HIVEP2: variants seen among roughly 807,000 people sequenced by gnomAD.
HIVEP2 encodes HIVEP zinc finger 2, also known as transcription factor HIVEP2.
A neutral mutation model predicts 180.7 loss-of-function variants in HIVEP2; 14 were observed. That is an observed-to-expected ratio of 0.08 (90% confidence interval 0.05 to 0.12). The LOEUF is 0.12. Among genes scored for constraint, HIVEP2 ranks in the 10% least tolerant of loss-of-function variants. The probability of loss-of-function intolerance (pLI) is 1.00; values close to 1 mark genes in which losing one functional copy is unlikely to be tolerated. For missense variants in HIVEP2, 2,579 were observed against 3,008.5 expected (o/e 0.86, Z 3.34); for synonymous variants, 1,184 against 1,136.4 (o/e 1.04, Z -0.84).
Position 142,890,010 on chromosome 6 carries a change from C to A in HIVEP2, c.-640-52963G>T, listed in dbSNP as rs541977513. Reference sequence around the variant, plus strand: ...AATTAGCCCTGACATCAATGGAGCACCCTTTAAGTGTCTATCATTTCCCCT... The same window carrying A: ...AATTAGCCCTGACATCAATGGAGCAACCTTTAAGTGTCTATCATTTCCCCT... On this transcript the variant is annotated intron_variant, in intron 1 of 9. Coordinates refer to ENST00000367603, the MANE Select transcript of HIVEP2 (RefSeq NM_006734.4). Among the ~76,000 whole-genome samples, 215 of 152,238 alleles carry A rather than the reference C, an allele frequency of 1.4e-3. 1 individual carries two copies. Among genetic ancestry groups the A allele is most frequent in the Non-Finnish European group, 2.8e-3 (191 of 68,008 alleles).
Position 142,751,703 on chromosome 6 carries a change from T to G in HIVEP2, c.*1404A>C, listed in dbSNP as rs1774924875. The G allele has an allele frequency of 6.6e-6, 1 of 152,656 alleles. No homozygotes were observed. The allele number at this position is 152,656 out of a possible 1,614,324, so 9.5% of individuals were successfully genotyped here. Reference sequence around the variant, plus strand: ...CACCTTCAACACTAACCAAAAGCCATTGTGAGTATTACATACAACAGACAT... The same window carrying G: ...CACCTTCAACACTAACCAAAAGCCAGTGTGAGTATTACATACAACAGACAT... On this transcript the variant is annotated 3_prime_UTR_variant, in exon 10 of 10. Transcript: ENST00000367603.
At chr6:142,850,095 C>G (rs925179633) in intron 1 of HIVEP2, among the ~76,000 whole-genome samples, 2 of 152,114 alleles carry the variant, frequency 1.3e-5, no homozygotes, top group African/African-American at 4.8e-5. Context: ...GTGGTCGAAA[C>G]TGTGAAGCAG....
At chr6:142,852,691 T>C (rs12203708) in intron 1 of HIVEP2, among the ~76,000 whole-genome samples, 26,948 of 152,124 alleles carry the variant, frequency 0.18, 2,582 homozygotes, top group South Asian at 0.22. Flanking sequence ...GTTTTAGAGA[T>C]TTCTCCAAAG....
At chr6:142,757,041 T>A (rs946206651) in intron 9 of HIVEP2, among the ~76,000 whole-genome samples, 5 of 152,210 alleles carry the variant, frequency 3.3e-5, no homozygotes, top group African/African-American at 9.6e-5. Flanking sequence ...CATACATATA[T>A]ATGCACATAC....
At chr6:142,902,539 C>T (rs957683294) in intron 1 of HIVEP2, among the ~76,000 whole-genome samples, 2 of 152,146 alleles carry the variant, frequency 1.3e-5, no homozygotes, top group Non-Finnish European at 2.9e-5. Context: ...AATAGAATAG[C>T]CTTTTTAAGA....
At chr6:142,880,575 G>A (rs1776555551) in intron 1 of HIVEP2, among the ~76,000 whole-genome samples, 1 of 152,116 alleles carries the variant, frequency 6.6e-6, no homozygotes, top group Non-Finnish European at 1.5e-5. Context: ...AAGGCATTCG[G>A]TGTCCTCTCT....
intron 2 of HIVEP2, among the ~76,000 whole-genome samples, chr6:142,794,970 T>C (rs1454597365): frequency 6.6e-6 from 1 of 152,188 alleles, no homozygotes; most frequent in Non-Finnish European, 1.5e-5. Context: ...GTCATTTTGA[T>C]TAACCAATTA....
At chr6:142,878,526 G>A (rs1300242620) in intron 1 of HIVEP2, among the ~76,000 whole-genome samples, 1 of 152,126 alleles carries the variant, frequency 6.6e-6, no homozygotes, top group South Asian at 2.1e-4. Context: ...GGATGGTGCC[G>A]GCAGTGGTCA....
rs907851011 is a variant in HIVEP2, at chr6:142,862,600, C to T, written c.-640-25553G>A. The stretch of plus-strand genomic sequence containing the variant: ...TCATATATTTTATAATACATATAAT[C>T]GATTCATAATCGATTATATGTATTA... On this transcript the variant is annotated intron_variant, in intron 1 of 9. Transcript: ENST00000367603. 2.5e-4 allele frequency among the ~76,000 whole-genome samples: 36 copies of T among 143,156 alleles called. 1 individual carries two copies. Among genetic ancestry groups the T allele is most frequent in the African/African-American group, 2.5e-5 (1 of 39,338 alleles). The allele number at this position is 143,156 out of a possible 152,430, so 93.9% of individuals were successfully genotyped here. A position where few individuals can be genotyped will look rare whatever the true frequency, so the allele number is the denominator to read the frequency against.
intron 1 of HIVEP2, among the ~76,000 whole-genome samples, chr6:142,923,364 G>C (rs1304396714): frequency 6.6e-6 from 1 of 151,880 alleles, no homozygotes; most frequent in African/African-American, 2.4e-5. Flanking sequence ...ATATTTAATA[G>C]TGAACAATAA....
rs553378643 is a variant in HIVEP2 at position 142,787,952 on chromosome 6, G to A, written c.-527-4337C>T. On this transcript the variant is annotated intron_variant, in intron 2 of 9. Coordinates refer to ENST00000367603, the MANE Select transcript of HIVEP2 (RefSeq NM_006734.4). ...CAGAGTTTTCATAATAGGAGGCTGG[G>A]GCAAACTGAGTCCAAATTAGCCAGA... Among the ~76,000 whole-genome samples the A allele has an allele frequency of 2.0e-5, 3 of 152,258 alleles. No individual in the cohort carries two copies. The South Asian group carries it at 6.2e-4, about 32-fold the overall frequency.
chr6:142,809,405 G>C (rs1383343783), intron 2 of HIVEP2, among the ~76,000 whole-genome samples: 1 of 152,118 alleles, frequency 6.6e-6, no homozygotes, highest in African/African-American at 2.4e-5. Flanking sequence ...GATACAGGCT[G>C]AGTGTGCTCC....
intron 1 of HIVEP2, among the ~76,000 whole-genome samples, chr6:142,919,694 T>C (rs570759205): frequency 9.1e-4 from 139 of 152,346 alleles, no homozygotes; most frequent in Middle Eastern, 3.4e-3. Context: ...GGAAATAAGA[T>C]GTAATATACA....
chr6:142,916,803 T>C (rs950504811), intron 1 of HIVEP2, among the ~76,000 whole-genome samples: 6 of 152,198 alleles, frequency 3.9e-5, no homozygotes, highest in African/African-American at 1.4e-4. Context: ...AGCTCTCAGA[T>C]CAGCATCCAG....
chr6:142,883,551 C>T (rs1479639468), intron 1 of HIVEP2, among the ~76,000 whole-genome samples: 1 of 152,070 alleles, frequency 6.6e-6, no homozygotes, highest in African/African-American at 2.4e-5. Context: ...CATAAAAGTG[C>T]AAATACATTT....
chr6:142,769,826 A>G lies in HIVEP2; in HGVS notation c.4913T>C (p.Phe1638Ser), dbSNP rs1775474811. The G allele has an allele frequency of 6.2e-7, 1 of 1,614,182 alleles. No homozygotes were observed. The highest frequency in any genetic ancestry group is 1.3e-5 in the African/African-American group (1 of 75,058). The change falls in exon 5 of 10, where the codon TTC (phenylalanine) becomes TCC (serine). Residue 1638 changes from phenylalanine to serine, a missense_variant. Physicochemically the swap from Phe to Ser is radical, Grantham distance 155. Coordinates refer to ENST00000367603, the MANE Select transcript of HIVEP2 (RefSeq NM_006734.4). ...DMADFQQILQ[F>S]PSLRTTTTVS... The stretch of plus-strand genomic sequence containing the variant: ...AGTAGTTGTTGTCCGCAGACTGGGG[A>G]ACTGAAGAATCTGCTGGAAATCTGC...
At chr6:142,861,123 T>C (rs1775968029) in intron 1 of HIVEP2, among the ~76,000 whole-genome samples, 1 of 152,154 alleles carries the variant, frequency 6.6e-6, no homozygotes, top group Non-Finnish European at 1.5e-5. Context: ...CTGAAGACAA[T>C]ACTCTCAGCA....
intron 1 of HIVEP2, among the ~76,000 whole-genome samples, chr6:142,852,107 C>T (rs899074547): frequency 3.9e-5 from 6 of 152,100 alleles, no homozygotes; most frequent in African/African-American, 1.4e-4. Context: ...ACACCATGTT[C>T]CACTAGGTTA....
chr6:142,930,918 C>A (rs1777929048), intron 1 of HIVEP2, among the ~76,000 whole-genome samples: 1 of 152,122 alleles, frequency 6.6e-6, no homozygotes, highest in African/African-American at 2.4e-5. Flanking sequence ...AAAAGTGTGA[C>A]TAGAGCTAAA....
Sources: allele counts gnomAD v4.1 joint callset (sites outside exome capture counted in the v4.1 genomes callset), GRCh38; gene constraint gnomAD v4.1.1; transcripts MANE v1.5; gene names NCBI Gene and HGNC (gene_info 2026-07-23, HGNC 2026-07-21).